ERGIC1: variants seen among roughly 807,000 people sequenced by gnomAD.
ERGIC1 encodes endoplasmic reticulum-golgi intermediate compartment 1.
ERGIC1 carries 19 observed loss-of-function variants against 38.3 expected under a neutral mutation model. That is an observed-to-expected ratio of 0.50 (90% CI 0.35 to 0.73). The LOEUF (loss-of-function observed/expected upper bound fraction) is 0.73. Ranked by LOEUF, ERGIC1 falls within the 30% of genes least tolerant of loss-of-function variation. The pLI is 0.01. For synonymous variants in ERGIC1, 124 were observed against 157.6 expected, an observed-to-expected ratio of 0.79 and a Z score of 1.60; for missense variants, 294 against 389.2, an observed-to-expected ratio of 0.76 and a Z score of 2.06.
intron 6 of ERGIC1, among the ~76,000 whole-genome samples, chr5:172,925,822 G>A (rs960848492): frequency 7.2e-5 from 11 of 152,180 alleles, no homozygotes; most frequent in African/African-American, 2.7e-4. Flanking sequence ...CATTTACCAG[G>A]TATGCCTTGT....
chr5:172,926,462 A>T lies in ERGIC1; in HGVS notation c.481-47A>T. 1 of 1,607,678 alleles carries T rather than the reference A, an allele frequency of 6.2e-7. No homozygotes were observed. The highest frequency in any genetic ancestry group is 2.2e-5 in the East Asian group (1 of 44,818). ...CCCCCACAACCAGGGCCAGGCCTGG[A>T]GGTGGAGGTGTCCTGGGGACCATCC... is the stretch of plus-strand genomic sequence containing the variant. On this transcript the variant is annotated intron_variant, in intron 6 of 9. Coordinates refer to ENST00000393784, the MANE Select transcript of ERGIC1 (RefSeq NM_001031711.3). This position sits in a 1 kb window ranked among gnomAD's most constrained non-coding sequence, Gnocchi z 5.2.
At chr5:172,946,032 C>A (rs545963698) in intron 9 of ERGIC1, among the ~76,000 whole-genome samples, 2 of 152,314 alleles carry the variant, frequency 1.3e-5, no homozygotes, top group South Asian at 4.1e-4. Context: ...AAAGGCTCTC[C>A]CACGGCTAGA....
intron 1 of ERGIC1, among the ~76,000 whole-genome samples, chr5:172,839,180 G>A (rs2113506985): frequency 6.7e-6 from 1 of 149,832 alleles, no homozygotes; most frequent in South Asian, 2.1e-4. Flanking sequence ...GACGGAGGTT[G>A]CAGTGAACTG....
In ERGIC1 at chr5:172,932,623, A is replaced by G; in HGVS notation, c.642+87A>G. The G allele has an allele frequency of 2.3e-6, 3 of 1,332,224 alleles. No individual in the cohort carries two copies. The South Asian group carries it at 3.7e-5, about 16-fold the overall frequency. The allele number at this position is 1,332,224 out of a possible 1,614,324, so 82.5% of individuals were successfully genotyped here. A position where few individuals can be genotyped will look rare whatever the true frequency, so the allele number is the denominator to read the frequency against. On this transcript the variant is annotated intron_variant, in intron 8 of 9. Coordinates refer to ENST00000393784, the MANE Select transcript of ERGIC1 (RefSeq NM_001031711.3). ...AGATGACAGGCGGCTGCACCGACGC[A>G]CTTTCTTCTGATTCCTTTCTGGAGG...
At chr5:172,920,688 G>A (rs1763489010) in intron 5 of ERGIC1, 2 of 507,480 alleles carry the variant, frequency 3.9e-6, no homozygotes, top group Admixed American at 6.4e-5. Flanking sequence ...GGCCCGGCAG[G>A]GGTGGCAGGT....
rs35584191 is a variant in ERGIC1 at position 172,914,234 on chromosome 5, C to CAAA, written c.251-459_251-457dup. On this transcript the variant is annotated intron_variant, in intron 4 of 9. Transcript: ENST00000393784. The stretch of plus-strand genomic sequence containing the variant: ...TGGGCAAGAGAGCAAGACTCTGTCT[C>CAAA]AAAAAAAAAAAAAAAAAAAAAAATA... Among the ~76,000 whole-genome samples, 751 of 101,670 alleles carry CAAA rather than the reference C, an allele frequency of 7.4e-3. 6 individuals carry two copies. The highest frequency in any genetic ancestry group is 0.02 in the African/African-American group (475 of 23,320). 66.7% of individuals were successfully genotyped at this position (101,670 alleles called of 152,430 possible).
At chr5:172,906,235 A>G in intron 3 of ERGIC1, 4 of 451,724 alleles carry the variant, frequency 8.9e-6, no homozygotes, top group South Asian at 4.7e-5. Flanking sequence ...GCCCTCCTTC[A>G]TTTTCTTCCT....
At chr5:172,892,714 G>A (rs1248204820) in intron 2 of ERGIC1, among the ~76,000 whole-genome samples, 2 of 152,138 alleles carry the variant, frequency 1.3e-5, no homozygotes, top group Non-Finnish European at 2.9e-5. Context: ...GGTTGAAATA[G>A]TTTTTACCTC....
intron 9 of ERGIC1, among the ~76,000 whole-genome samples, chr5:172,939,197 G>T (rs956934483): frequency 1.4e-4 from 21 of 152,200 alleles, no homozygotes; most frequent in Non-Finnish European, 2.9e-5. Context: ...TGAATCATAC[G>T]CAGTCCCTGC....
intron 4 of ERGIC1, among the ~76,000 whole-genome samples, chr5:172,913,160 T>C (rs974526553): frequency 2.6e-5 from 4 of 152,350 alleles, no homozygotes; most frequent in African/African-American, 7.2e-5. Context: ...GTCTCAGCGC[T>C]AGTAACTCAG....
intron 5 of ERGIC1, 82 bp downstream of exon 5, chr5:172,914,920 C>T (rs1330529079): frequency 6.3e-7 from 1 of 1,589,836 alleles, no homozygotes; most frequent in South Asian, 1.1e-5. Flanking sequence ...GTTGTGGAGG[C>T]ACTCACTCGA....
chr5:172,865,205 C>T (rs575471102), intron 1 of ERGIC1, among the ~76,000 whole-genome samples: 4 of 152,034 alleles, frequency 2.6e-5, no homozygotes, highest in Non-Finnish European at 4.4e-5. Flanking sequence ...CAGGCGCCCG[C>T]CACTATGCCT....
chr5:172,880,481 A>T (rs1045530407), intron 1 of ERGIC1, among the ~76,000 whole-genome samples: 21 of 151,630 alleles, frequency 1.4e-4, no homozygotes, highest in African/African-American at 4.9e-4. Flanking sequence ...GACCACCACC[A>T]CACCCAACCA....
intron 1 of ERGIC1, among the ~76,000 whole-genome samples, chr5:172,859,271 C>A (rs748531129): frequency 6.6e-6 from 1 of 152,146 alleles, no homozygotes. Flanking sequence ...GCCTGGCCAG[C>A]TGGTCATTCA....
At chr5:172,935,536 G>A (rs1289684423) in intron 9 of ERGIC1, 4 of 526,272 alleles carry the variant, frequency 7.6e-6, no homozygotes, top group African/African-American at 1.9e-5. Flanking sequence ...TTTTCCAGAG[G>A]GGAATGCCCT....
Position 172,926,551 on chromosome 5 carries a change from G to A in ERGIC1, c.523G>A (p.Asp175Asn), listed in dbSNP as rs1380560769. The A allele has an allele frequency of 6.2e-7, 1 of 1,612,952 alleles. No individual in the cohort carries two copies. Among genetic ancestry groups the A allele is most frequent in the Admixed American group, 1.7e-5 (1 of 60,000 alleles). Reference sequence around the variant, plus strand: ...AGCTTTCAATGCTCTCGGGGGAGCAGACAGACTCACCTCCAACCGTATGTA... The same window carrying A: ...AGCTTTCAATGCTCTCGGGGGAGCAAACAGACTCACCTCCAACCGTATGTA... ...HGAFNALGGADRLTSNPLASH... is the reference protein window; with the variant it reads ...HGAFNALGGANRLTSNPLASH... The change falls in exon 7 of 10, where the codon GAC (aspartate) becomes AAC (asparagine). Residue 175 changes from aspartate to asparagine, a missense_variant. Physicochemically the swap from Asp to Asn is conservative, Grantham distance 23 (BLOSUM62 1). Coordinates refer to ENST00000393784, the MANE Select transcript of ERGIC1 (RefSeq NM_001031711.3). This position sits in a 1 kb window ranked among gnomAD's most constrained non-coding sequence, Gnocchi z 5.2.
chr5:172,852,915 ATGGGTGACG>A (rs1761449104), intron 1 of ERGIC1, among the ~76,000 whole-genome samples: 1 of 152,254 alleles, frequency 6.6e-6, no homozygotes, highest in Non-Finnish European at 1.5e-5. Context: ...CTCTGGCCCC[ATGGGTGACG>A]GTGTCACAGC....
chr5:172,909,489 C>T (rs1727468816), intron 3 of ERGIC1, among the ~76,000 whole-genome samples, 178 bp from the exon 4 acceptor site: 1 of 152,114 alleles, frequency 6.6e-6, no homozygotes, highest in Non-Finnish European at 1.5e-5. Context: ...GGTAAGGCTG[C>T]ACTTGAAGAG....
chr5:172,905,443 G>A lies in ERGIC1; in HGVS notation c.156-4224G>A, dbSNP rs183237907. 1.6e-4 allele frequency: 77 copies of A among 468,598 alleles called. 1 individual carries two copies. The East Asian group carries it at 4.7e-3, about 29-fold the overall frequency. The allele number at this position is 468,598 out of a possible 1,614,324, so 29.0% of individuals were successfully genotyped here. A position where few individuals can be genotyped will look rare whatever the true frequency, so the allele number is the denominator to read the frequency against. ...TTAGACCTGGGGTTCTTGGCCTCAC[G>A]GATTCCAAGGAATGGAACGTTGGGC... On this transcript the variant is annotated intron_variant, in intron 3 of 9. Transcript: ENST00000393784.
Sources: gnomAD v4.1 joint callset for allele counts (sites outside exome capture counted in the v4.1 genomes callset) on GRCh38, gnomAD v4.1.1 for gene constraint, Gnocchi (gnomAD v3.1) non-coding constraint, MANE v1.5 for transcripts, NCBI Gene and HGNC (gene_info 2026-07-23, HGNC 2026-07-21) for gene names.